TNFAIP8: variants seen among roughly 807,000 people sequenced by gnomAD.
The protein encoded by TNFAIP8 is TNF alpha induced protein 8, also known as tumor necrosis factor alpha-induced protein 8.
A neutral mutation model predicts 13.3 loss-of-function variants in TNFAIP8; 7 were observed. That is an observed-to-expected ratio of 0.52 (90% CI 0.30 to 0.99). The LOEUF (loss-of-function observed/expected upper bound fraction) is 0.99. Among genes scored for constraint, TNFAIP8 ranks in the 50% least tolerant of loss-of-function variants. TNFAIP8 has a pLI of 0.07. For missense variants in TNFAIP8, 258 were observed against 236.9 expected (o/e 1.09, Z -0.58); for synonymous variants, 94 against 87.6 (o/e 1.07, Z -0.41).
intron 1 of TNFAIP8, among the ~76,000 whole-genome samples, chr5:119,288,007 A>G (rs1241521633): frequency 6.6e-6 from 1 of 152,292 alleles, no homozygotes; most frequent in South Asian, 2.1e-4. Flanking sequence ...ATGAGGTGAG[A>G]TGTTATCCTG....
chr5:119,323,395 A>G (rs2112692590), intron 1 of TNFAIP8, among the ~76,000 whole-genome samples: 1 of 152,276 alleles, frequency 6.6e-6, no homozygotes, highest in South Asian at 2.1e-4. Flanking sequence ...CCCACCCTGC[A>G]TACATACACA....
chr5:119,392,994 G>C lies in TNFAIP8; in HGVS notation c.210G>C (p.Lys70Asn), dbSNP rs769212634. 2 of 1,612,738 alleles carry C rather than the reference G, an allele frequency of 1.2e-6. No homozygotes were observed. The highest frequency in any genetic ancestry group is 1.7e-5 in the Admixed American group (1 of 59,836). ...CCCAAAACAAGAAGGAGGCAGAGAAGATCATCAAGAACCTCATCAAGACAG... is the reference window on the plus strand; with the variant it reads ...CCCAAAACAAGAAGGAGGCAGAGAACATCATCAAGAACCTCATCAAGACAG... The part of the protein sequence containing the change: ...EYTQNKKEAE[K>N]IIKNLIKTVI... Residue 70 changes from lysine to asparagine, a missense_variant, in exon 2 of 2, where the codon AAG becomes AAC. Physicochemically the swap from Lys to Asn is moderately conservative, Grantham distance 94. Coordinates refer to ENST00000504771, the MANE Select transcript of TNFAIP8 (RefSeq NM_014350.4).
chr5:119,295,330 T>C (rs1284045545), intron 1 of TNFAIP8, among the ~76,000 whole-genome samples: 3 of 151,566 alleles, frequency 2.0e-5, no homozygotes, highest in African/African-American at 7.3e-5. Context: ...AGGGATCCAG[T>C]TTCAGCTTTC....
At chr5:119,370,478 T>C (rs907137940) in intron 1 of TNFAIP8, among the ~76,000 whole-genome samples, 4 of 152,212 alleles carry the variant, frequency 2.6e-5, no homozygotes, top group African/African-American at 7.2e-5. Flanking sequence ...ACTTTGACAG[T>C]AAATTAAAGA....
At chr5:119,293,179 C>T (rs746839419) in intron 1 of TNFAIP8, among the ~76,000 whole-genome samples, 17 of 151,916 alleles carry the variant, frequency 1.1e-4, no homozygotes, top group Non-Finnish European at 2.4e-4. Context: ...ACATGCATTA[C>T]GTCACATCCC....
chr5:119,332,083 G>A (rs1458965871), intron 1 of TNFAIP8, among the ~76,000 whole-genome samples: 18 of 152,118 alleles, frequency 1.2e-4, no homozygotes, highest in Non-Finnish European at 1.0e-4. Context: ...GTGTCATATC[G>A]CTATGAGTTA....
At chr5:119,343,652 T>C (rs1750809786) in intron 1 of TNFAIP8, among the ~76,000 whole-genome samples, 1 of 152,214 alleles carries the variant, frequency 6.6e-6, no homozygotes, top group South Asian at 2.1e-4. Context: ...TATAATCTTG[T>C]GTTTTAAATA....
intron 1 of TNFAIP8, among the ~76,000 whole-genome samples, chr5:119,310,241 A>G (rs1581593834): frequency 6.6e-6 from 1 of 152,300 alleles, no homozygotes; most frequent in Admixed American, 6.5e-5. Flanking sequence ...CCTCCACAAG[A>G]TGAGGTACTA....
intron 1 of TNFAIP8, chr5:119,333,771 C>G: frequency 2.7e-6 from 2 of 753,124 alleles, no homozygotes; most frequent in Non-Finnish European, 4.4e-6. Flanking sequence ...CTGTGTTCAA[C>G]AAATCACTGT....
chr5:119,278,144 A>C (rs555611125), intron 1 of TNFAIP8, among the ~76,000 whole-genome samples: 1 of 152,264 alleles, frequency 6.6e-6, no homozygotes, highest in South Asian at 2.1e-4. Context: ...AAAGACATTA[A>C]ATTGTCTTAT....
intron 1 of TNFAIP8, among the ~76,000 whole-genome samples, chr5:119,343,679 C>T (rs1750810161): frequency 6.6e-6 from 1 of 152,156 alleles, no homozygotes; most frequent in Admixed American, 6.5e-5. Flanking sequence ...GGAGCTGCCT[C>T]AAAGACAACT....
At chr5:119,278,369 G>GAC in intron 1 of TNFAIP8, among the ~76,000 whole-genome samples, 1 of 132,844 alleles carries the variant, frequency 7.5e-6, no homozygotes, top group Non-Finnish European at 1.6e-5. Flanking sequence ...GAGAGAGAGA[G>GAC]AGAGAGAGTG....
intron 1 of TNFAIP8, among the ~76,000 whole-genome samples, chr5:119,302,910 G>A (rs1243308640): frequency 6.6e-6 from 1 of 152,170 alleles, no homozygotes; most frequent in Non-Finnish European, 1.5e-5. Flanking sequence ...ATTCCTGAGT[G>A]GAGACATTAT....
In TNFAIP8 at chr5:119,270,324, T is replaced by G. The variant is rs145560566; in HGVS notation, c.1+1417T>G. Among the ~76,000 whole-genome samples the G allele has an allele frequency of 2.9e-3, 439 of 152,374 alleles. 3 individuals carry two copies. Among genetic ancestry groups the G allele is most frequent in the African/African-American group, 9.5e-3 (393 of 41,574 alleles). On this transcript the variant is annotated intron_variant, in intron 1 of 1. Coordinates refer to the TNFAIP8 transcript ENST00000274456. ...TGCAGTGTAAACATATGACTCCATC[T>G]CTCTTTAAGGAAAGAAATAATTATC...
At chr5:119,315,593 C>T (rs944989964) in intron 1 of TNFAIP8, among the ~76,000 whole-genome samples, 1 of 152,206 alleles carries the variant, frequency 6.6e-6, no homozygotes, top group African/African-American at 2.4e-5. Context: ...CAGTGCTGTG[C>T]CACTGTCTGC....
intron 1 of TNFAIP8, among the ~76,000 whole-genome samples, chr5:119,270,598 T>C (rs1213627793): frequency 6.6e-6 from 1 of 152,244 alleles, no homozygotes; most frequent in Non-Finnish European, 1.5e-5. Context: ...TTTTGCAGAT[T>C]TTTTGGATGC....
intron 1 of TNFAIP8, chr5:119,268,940 A>G: frequency 1.4e-6 from 1 of 694,660 alleles, no homozygotes; most frequent in African/African-American, 1.8e-5. Flanking sequence ...CGTCCCGCGC[A>G]CACTCCAGCG....
intron 1 of TNFAIP8, among the ~76,000 whole-genome samples, chr5:119,307,504 G>T (rs1023778265): frequency 1.3e-5 from 2 of 152,072 alleles, no homozygotes; most frequent in African/African-American, 2.4e-5. Context: ...TTCTGCCAAG[G>T]TTCCTTGTAG....
At chr5:119,292,496 C>T (rs982940697) in intron 1 of TNFAIP8, among the ~76,000 whole-genome samples, 1 of 150,896 alleles carries the variant, frequency 6.6e-6, no homozygotes, top group Non-Finnish European at 1.5e-5. Flanking sequence ...CAAAACCCAG[C>T]AAGTCTACTT....
Sources: allele counts gnomAD v4.1 joint callset (sites outside exome capture counted in the v4.1 genomes callset), GRCh38; gene constraint gnomAD v4.1.1; transcripts MANE v1.5; gene names NCBI Gene and HGNC (gene_info 2026-07-23, HGNC 2026-07-21).